The following PPP1R12A variants were observed in gnomAD, a reference collection of about 807,000 sequenced individuals.
PPP1R12A encodes the protein protein phosphatase 1 regulatory subunit 12A.
A neutral mutation model predicts 139.6 loss-of-function variants in PPP1R12A; 19 were observed. The ratio of observed to expected loss-of-function variants is 0.14; its 90% confidence interval spans 0.09 to 0.20. The LOEUF is 0.20. Among genes scored for constraint, PPP1R12A ranks in the 10% least tolerant of loss-of-function variants. PPP1R12A has a pLI of 1.00. For missense variants in PPP1R12A, 925 were observed against 1,211.5 expected (o/e 0.76, Z 3.51); for synonymous variants, 427 against 420.6 (o/e 1.02, Z -0.19).
At chr12:79,848,577 A>C (rs750627979) in intron 2 of PPP1R12A, among the ~76,000 whole-genome samples, 2 of 152,152 alleles carry the variant, frequency 1.3e-5, no homozygotes, top group Non-Finnish European at 2.9e-5. Context: ...AGAGTAAAGT[A>C]CCAAAACTGC....
chr12:79,859,337 T>G lies in PPP1R12A; in HGVS notation c.368+13471A>C, dbSNP rs1192581088. On this transcript the variant is annotated intron_variant, in intron 2 of 24. Coordinates refer to ENST00000450142, the MANE Select transcript of PPP1R12A (RefSeq NM_002480.3). ...GGGCAACAGGGTGAGACTCTGTCTT[T>G]AAAAAAAAAAAAGAAAGAAAAAAAA... Among the ~76,000 whole-genome samples the G allele has an allele frequency of 4.0e-5, 3 of 74,294 alleles. No homozygotes were observed. In the Admixed American group the frequency reaches 4.9e-4, roughly 12 times the overall value. The allele number at this position is 74,294 out of a possible 152,430, so 48.7% of individuals were successfully genotyped here.
At chr12:79,843,617 G>GAT (rs398098337) in intron 3 of PPP1R12A, among the ~76,000 whole-genome samples, 1 of 33,818 alleles carries the variant, frequency 3.0e-5, no homozygotes, top group Non-Finnish European at 4.9e-5. Context: ...AAAAAATATA[G>GAT]ATATAGATAT....
intron 15 of PPP1R12A, among the ~76,000 whole-genome samples, chr12:79,797,632 A>G (rs900050997): frequency 6.6e-6 from 1 of 152,148 alleles, no homozygotes; most frequent in African/African-American, 2.4e-5. Context: ...AGTTCAAACT[A>G]GAGAAGAATA....
At chr12:79,866,708 A>G (rs1391573686) in intron 2 of PPP1R12A, among the ~76,000 whole-genome samples, 5 of 152,250 alleles carry the variant, frequency 3.3e-5, no homozygotes, top group East Asian at 3.8e-4. Flanking sequence ...GCCAACAGAC[A>G]TATGAAAAAA....
rs868660167 is a variant in PPP1R12A, at chr12:79,934,987, A to T, written c.-56T>A. 4.0e-6 allele frequency: 6 copies of T among 1,515,512 alleles called. No homozygotes were observed. The African/African-American group carries it at 5.5e-5, about 14-fold the overall frequency. 93.9% of individuals were successfully genotyped at this position (1,515,512 alleles called of 1,614,324 possible). A position where few individuals can be genotyped will look rare whatever the true frequency, so the allele number is the denominator to read the frequency against. On this transcript the variant is annotated 5_prime_UTR_variant, in exon 1 of 25. Transcript: ENST00000450142. ...CGAGGGGGGGAAGGGGGAGGCGGAG[A>T]GGGAAGAGAGGGGAGGCAGGGGGTG...
At chr12:79,836,659 T>C (rs1459259695) in intron 3 of PPP1R12A, among the ~76,000 whole-genome samples, 1 of 152,192 alleles carries the variant, frequency 6.6e-6, no homozygotes, top group Non-Finnish European at 1.5e-5. Context: ...ATTTTTAAAA[T>C]ACTACCGATT....
chr12:79,798,040 C>G (rs1233834430), intron 15 of PPP1R12A, among the ~76,000 whole-genome samples: 1 of 152,114 alleles, frequency 6.6e-6, no homozygotes, highest in Admixed American at 6.6e-5. Context: ...TTTCTTCATA[C>G]TTGCATATTA....
intron 2 of PPP1R12A, chr12:79,848,943 T>C (rs1355085710): frequency 6.6e-6 from 1 of 152,034 alleles, no homozygotes; most frequent in African/African-American, 2.4e-5. Context: ...TGTGTGACAT[T>C]CAAAGATATA....
intron 1 of PPP1R12A, among the ~76,000 whole-genome samples, chr12:79,927,737 A>C (rs1887952542): frequency 6.6e-6 from 1 of 152,208 alleles, no homozygotes; most frequent in African/African-American, 2.4e-5. Flanking sequence ...TGAAAATTAA[A>C]CTATTGTTTG....
chr12:79,833,101 T>A (rs760558081), intron 3 of PPP1R12A, among the ~76,000 whole-genome samples: 33 of 152,004 alleles, frequency 2.2e-4, no homozygotes, highest in Non-Finnish European at 3.8e-4. Context: ...CTACCCTAGG[T>A]TGAGGTGATA....
chr12:79,840,960 C>T (rs564198219), intron 3 of PPP1R12A, among the ~76,000 whole-genome samples: 7 of 152,076 alleles, frequency 4.6e-5, no homozygotes, highest in South Asian at 4.2e-4. Context: ...CTACAAATCC[C>T]GCCCTGACTT....
At chr12:79,780,381 T>G (rs1272414399) in intron 23 of PPP1R12A, 3 of 152,078 alleles carry the variant, frequency 2.0e-5, no homozygotes, top group South Asian at 2.1e-4. Context: ...ACTTTGTAAT[T>G]TATCTGCATT....
At chr12:79,782,635 A>AATAAG (rs1870601146) in intron 22 of PPP1R12A, 1 of 425,916 alleles carries the variant, frequency 2.3e-6, no homozygotes, top group Non-Finnish European at 4.6e-6. Context: ...AACAAAACAA[A>AATAAG]AAAAGAAAAA....
At chr12:79,899,568 T>C (rs1241953442) in intron 1 of PPP1R12A, among the ~76,000 whole-genome samples, 1 of 152,152 alleles carries the variant, frequency 6.6e-6, no homozygotes, top group Non-Finnish European at 1.5e-5. Context: ...AAGTAGTTCA[T>C]TCCCTTTTAT....
chr12:79,776,866 T>C (rs1055711745), intron 24 of PPP1R12A, among the ~76,000 whole-genome samples: 21 of 152,234 alleles, frequency 1.4e-4, no homozygotes, highest in African/African-American at 5.1e-4. Context: ...CTTTCCAAAA[T>C]AGTCCTCTTT....
At chr12:79,843,034 G>A (rs11114258) in intron 3 of PPP1R12A, among the ~76,000 whole-genome samples, 6,134 of 152,016 alleles carry the variant, frequency 0.04, 436 homozygotes, top group East Asian at 0.29. Flanking sequence ...CATATATGTA[G>A]AATCATTTGT....
rs1050189651 is a variant in PPP1R12A at position 79,796,834 on chromosome 12, A to G, written c.2409T>C (p.Leu803=). 3 of 1,612,010 alleles carry G rather than the reference A, an allele frequency of 1.9e-6. No homozygotes were observed. In the African/African-American group the frequency reaches 4.0e-5, roughly 22 times the overall value. ...TGGAGTAAGCAGAAGTTATGCCTAC[A>G]AGACTATTTGGCCTGTTTAGTTGAC... is the stretch of plus-strand genomic sequence containing the variant. The part of the protein sequence containing the change: ...ASSQLNRPNS[L]VGITSAYSRG... Residue 803 remains leucine (L), a synonymous_variant, in exon 17 of 25, where the codon CTT becomes CTC. Coordinates refer to ENST00000450142, the MANE Select transcript of PPP1R12A (RefSeq NM_002480.3).
intron 1 of PPP1R12A, among the ~76,000 whole-genome samples, chr12:79,914,264 T>C (rs1886819967): frequency 6.6e-6 from 1 of 152,060 alleles, no homozygotes; most frequent in Non-Finnish European, 1.5e-5. Context: ...TGCAGTCATG[T>C]GCATTCACAT....
intron 1 of PPP1R12A, among the ~76,000 whole-genome samples, chr12:79,888,842 T>C (rs747174711): frequency 2.0e-5 from 3 of 152,108 alleles, no homozygotes; most frequent in South Asian, 2.1e-4. Context: ...CCCTAACCAA[T>C]AGGCTACACA....
Sources: gnomAD v4.1 joint callset for allele counts (sites outside exome capture counted in the v4.1 genomes callset) on GRCh38, gnomAD v4.1.1 for gene constraint, MANE v1.5 for transcripts, NCBI Gene and HGNC (gene_info 2026-07-23, HGNC 2026-07-21) for gene names.